The following HS3ST5 variants were observed in gnomAD, a reference collection of about 807,000 sequenced individuals.
The protein encoded by HS3ST5 is heparan sulfate glucosamine 3-O-sulfotransferase 5.
A neutral mutation model predicts 25.4 loss-of-function variants in HS3ST5; 10 were observed. The observed-to-expected ratio is 0.39, with a 90% CI of 0.24 to 0.67. The LOEUF is 0.67. HS3ST5 is among the 30% of genes least tolerant of loss of function. The pLI is 0.44. For synonymous variants in HS3ST5, 170 were observed against 162.4 expected, an observed-to-expected ratio of 1.05 and a Z score of -0.36; for missense variants, 324 against 420.7, an observed-to-expected ratio of 0.77 and a Z score of 2.01.
intron 3 of HS3ST5, among the ~76,000 whole-genome samples, chr6:114,164,581 C>T (rs1385706018): frequency 1.3e-5 from 2 of 152,128 alleles, no homozygotes; most frequent in African/African-American, 4.8e-5. Flanking sequence ...AAACTGGTTT[C>T]TTAACTTCTT....
At chr6:114,259,856 ATAAC>A (rs1258231759) in intron 1 of HS3ST5, among the ~76,000 whole-genome samples, 2 of 152,238 alleles carry the variant, frequency 1.3e-5, no homozygotes, top group African/African-American at 4.8e-5. Flanking sequence ...AGCTAATATT[ATAAC>A]TAACCAAGAG....
At chr6:114,078,558 G>A (rs1030583938) in intron 3 of HS3ST5, among the ~76,000 whole-genome samples, 2 of 152,098 alleles carry the variant, frequency 1.3e-5, no homozygotes, top group Non-Finnish European at 2.9e-5. Context: ...TAAAGCACAA[G>A]TTTAAACATT....
chr6:114,153,722 C>T (rs1778567207), intron 3 of HS3ST5, among the ~76,000 whole-genome samples: 1 of 152,156 alleles, frequency 6.6e-6, no homozygotes, highest in African/African-American at 2.4e-5. Flanking sequence ...TCCTGGGGCC[C>T]TCTTTTCTCC....
intron 4 of HS3ST5, chr6:114,059,509 A>G (rs1474645255): frequency 6.6e-6 from 1 of 152,182 alleles, no homozygotes; most frequent in Non-Finnish European, 1.5e-5. Flanking sequence ...CCCAAATCTC[A>G]TCCCGAATTG....
At chr6:114,160,014 A>G (rs1778866571) in intron 3 of HS3ST5, among the ~76,000 whole-genome samples, 1 of 152,214 alleles carries the variant, frequency 6.6e-6, no homozygotes, top group African/African-American at 2.4e-5. Context: ...TGCTCAATTT[A>G]CACAAGATTC....
intron 2 of HS3ST5, among the ~76,000 whole-genome samples, chr6:114,187,161 C>G (rs1182693283): frequency 2.0e-5 from 3 of 152,194 alleles, no homozygotes; most frequent in Non-Finnish European, 4.4e-5. Context: ...ATTCATTCTG[C>G]AGTCCATAGA....
At chr6:114,090,994 G>GA (rs1182493232) in intron 3 of HS3ST5, among the ~76,000 whole-genome samples, 1 of 151,992 alleles carries the variant, frequency 6.6e-6, no homozygotes, top group African/African-American at 2.4e-5. Flanking sequence ...GTAATTTAGG[G>GA]AAAAAAGTGA....
chr6:114,329,727 A>G (rs1314329020), intron 1 of HS3ST5, among the ~76,000 whole-genome samples: 1 of 152,188 alleles, frequency 6.6e-6, no homozygotes, highest in Non-Finnish European at 1.5e-5. Flanking sequence ...CCCTCAGAGC[A>G]TCCTGACTGC....
intron 1 of HS3ST5, among the ~76,000 whole-genome samples, chr6:114,275,274 A>G (rs72956214): frequency 0.077 from 11,687 of 152,140 alleles, 550 homozygotes; most frequent in African/African-American, 0.14. Context: ...AAATAAAAAG[A>G]ACATAATATA....
rs571817864 is a variant in HS3ST5 at position 114,057,119 on chromosome 6, T to A, written c.*138A>T. The A allele has an allele frequency of 3.4e-4, 206 of 605,892 alleles. No individual in the cohort carries two copies. In the African/African-American group the frequency reaches 3.6e-3, roughly 11 times the overall value. The allele number at this position is 605,892 out of a possible 1,614,324, so 37.5% of individuals were successfully genotyped here. ...GTAGAAAAAGAACTGATCTTATATTTGGTCACACACTGCGTATGTACAAAT... is the reference window on the plus strand; with the variant it reads ...GTAGAAAAAGAACTGATCTTATATTAGGTCACACACTGCGTATGTACAAAT... On this transcript the variant is annotated 3_prime_UTR_variant, in exon 5 of 5. Transcript: ENST00000312719.
chr6:114,212,417 T>C (rs575704012), intron 2 of HS3ST5, among the ~76,000 whole-genome samples: 48 of 152,318 alleles, frequency 3.2e-4, no homozygotes, highest in Admixed American at 1.0e-3. Context: ...CTCCAATTTA[T>C]CATTCCTCCT....
chr6:114,309,420 T>C (rs1775437721), intron 1 of HS3ST5, among the ~76,000 whole-genome samples: 1 of 152,170 alleles, frequency 6.6e-6, no homozygotes, highest in African/African-American at 2.4e-5. Context: ...GTTGAAAATA[T>C]TAAATATCCT....
chr6:114,110,098 C>T (rs1255654972), intron 3 of HS3ST5, among the ~76,000 whole-genome samples: 1 of 152,168 alleles, frequency 6.6e-6, no homozygotes, highest in East Asian at 1.9e-4. Context: ...CATATACACA[C>T]ATTTACATAC....
intron 3 of HS3ST5, among the ~76,000 whole-genome samples, chr6:114,149,337 C>A (rs552512848): frequency 6.6e-6 from 1 of 152,222 alleles, no homozygotes; most frequent in South Asian, 2.1e-4. Flanking sequence ...AACCCAAATG[C>A]CCATCAATGA....
chr6:114,309,988 T>C (rs1201471641), intron 1 of HS3ST5, among the ~76,000 whole-genome samples: 4 of 152,204 alleles, frequency 2.6e-5, no homozygotes, highest in Admixed American at 2.0e-4. Flanking sequence ...TGCCTTTCAT[T>C]AAGGTCTTCA....
chr6:114,236,974 A>G, intron 1 of HS3ST5, among the ~76,000 whole-genome samples: 1 of 152,368 alleles, frequency 6.6e-6, no homozygotes, highest in East Asian at 1.9e-4. Context: ...ACTTTCTCAG[A>G]ATGTTACACT....
In HS3ST5 at chr6:114,309,590, G is replaced by A. The variant is rs186555756; in HGVS notation, c.-339+32605C>T. Among the ~76,000 whole-genome samples the A allele has an allele frequency of 7.4e-4, 112 of 152,112 alleles. 1 individual carries two copies. The highest frequency in any genetic ancestry group is 1.2e-3 in the Non-Finnish European group (82 of 67,992). On this transcript the variant is annotated intron_variant, in intron 1 of 4. Coordinates refer to ENST00000312719, the MANE Select transcript of HS3ST5 (RefSeq NM_153612.4). ...TCTATTAAAAATACAAAAATTAACC[G>A]GGCTTGGTGGTGTGCATCTGTAATC...
chr6:114,240,643 G>A (rs972624342), intron 1 of HS3ST5, among the ~76,000 whole-genome samples: 5 of 152,052 alleles, frequency 3.3e-5, no homozygotes, highest in Admixed American at 6.6e-5. Flanking sequence ...AAAAAAGCTC[G>A]CCATGTAATC....
At chr6:114,084,871 T>G in intron 3 of HS3ST5, 1 of 567,248 alleles carries the variant, frequency 1.8e-6, no homozygotes, top group Non-Finnish European at 3.2e-6. Flanking sequence ...CTCCCTCTGC[T>G]GCCAGGCTGG....
Sources: allele counts gnomAD v4.1 joint callset (sites outside exome capture counted in the v4.1 genomes callset), GRCh38; gene constraint gnomAD v4.1.1; transcripts MANE v1.5; gene names NCBI Gene and HGNC (gene_info 2026-07-23, HGNC 2026-07-21).